The following CDK14 variants were observed in gnomAD, a reference collection of about 807,000 sequenced individuals.
CDK14 encodes cyclin-dependent kinase 14.
CDK14 carries 34 observed loss-of-function variants against 60.7 expected under a neutral mutation model. That is an observed-to-expected ratio of 0.56 (90% CI 0.43 to 0.75). CDK14 has a LOEUF of 0.75. Among genes scored for constraint, CDK14 ranks in the 30% least tolerant of loss-of-function variants. The probability of loss-of-function intolerance (pLI) is 0.00; values close to 1 mark genes in which losing one functional copy is unlikely to be tolerated. For synonymous variants in CDK14, 197 were observed against 203.7 expected, an observed-to-expected ratio of 0.97 and a Z score of 0.28; for missense variants, 482 against 564.1, an observed-to-expected ratio of 0.85 and a Z score of 1.47.
intron 2 of CDK14, among the ~76,000 whole-genome samples, chr7:90,674,852 C>G (rs1801165414): frequency 6.6e-6 from 1 of 152,202 alleles, no homozygotes; most frequent in Admixed American, 6.5e-5. Flanking sequence ...GCACTTTTCT[C>G]ACCTCTCCTT....
At chr7:90,757,366 CA>C (rs34353167) in intron 4 of CDK14, among the ~76,000 whole-genome samples, 10,982 of 149,828 alleles carry the variant, frequency 0.073, 516 homozygotes, top group South Asian at 0.11. Flanking sequence ...TGACTCATTT[CA>C]AAAAAAAATG....
chr7:90,660,822 G>A (rs193224550), intron 2 of CDK14, among the ~76,000 whole-genome samples: 150 of 152,242 alleles, frequency 9.9e-4, no homozygotes, highest in African/African-American at 3.5e-3. Flanking sequence ...CTTTCTCCTG[G>A]TTGGATTGGT....
intron 4 of CDK14, among the ~76,000 whole-genome samples, chr7:90,755,462 A>G (rs1369895038): frequency 6.6e-6 from 1 of 152,106 alleles, no homozygotes; most frequent in African/African-American, 2.4e-5. Flanking sequence ...GAGACTGCTG[A>G]GTGGGGTTGC....
intron 5 of CDK14, among the ~76,000 whole-genome samples, chr7:90,803,822 G>A (rs1344773246): frequency 6.6e-6 from 1 of 152,130 alleles, no homozygotes; most frequent in African/African-American, 2.4e-5. Flanking sequence ...AATTCCTTGA[G>A]GGAGGTTGAT....
intron 4 of CDK14, among the ~76,000 whole-genome samples, chr7:90,768,829 T>C (rs1804671100): frequency 6.6e-6 from 1 of 152,192 alleles, no homozygotes; most frequent in Non-Finnish European, 1.5e-5. Flanking sequence ...AATTTGTGTA[T>C]TTGAAAACAA....
At chr7:90,789,636 GCAAACA>G (rs1375060742) in intron 4 of CDK14, among the ~76,000 whole-genome samples, 1 of 152,130 alleles carries the variant, frequency 6.6e-6, no homozygotes, top group Non-Finnish European at 1.5e-5. Flanking sequence ...CAGGTTTTAT[GCAAACA>G]CTACAGCATT....
chr7:90,904,806 C>A (rs775491073), intron 7 of CDK14, among the ~76,000 whole-genome samples: 4 of 151,782 alleles, frequency 2.6e-5, no homozygotes, highest in Non-Finnish European at 4.4e-5. Flanking sequence ...AAAGAAAAAT[C>A]GATAAAAAAG....
intron 3 of CDK14, among the ~76,000 whole-genome samples, chr7:90,729,019 A>G (rs1802745128): frequency 6.6e-6 from 1 of 151,016 alleles, no homozygotes; most frequent in Non-Finnish European, 1.5e-5. Flanking sequence ...TCAGTTCTCT[A>G]TGCCAACTTT....
At chr7:91,148,809 G>A (rs1461494435) in intron 14 of CDK14, among the ~76,000 whole-genome samples, 1 of 152,098 alleles carries the variant, frequency 6.6e-6, no homozygotes, top group Non-Finnish European at 1.5e-5. Flanking sequence ...GCCAACAAAT[G>A]TTTGTTCAGT....
At chr7:90,838,203 T>C (rs1790176715) in intron 5 of CDK14, among the ~76,000 whole-genome samples, 2 of 152,198 alleles carry the variant, frequency 1.3e-5, no homozygotes, top group African/African-American at 4.8e-5. Context: ...CTGCAATCTC[T>C]GAACATAAAT....
At chr7:91,180,468 A>G (rs540071941) in intron 14 of CDK14, among the ~76,000 whole-genome samples, 3 of 150,690 alleles carry the variant, frequency 2.0e-5, no homozygotes, top group Admixed American at 1.3e-4. Flanking sequence ...TAACGCAAGT[A>G]TACACATACA....
intron 14 of CDK14, among the ~76,000 whole-genome samples, chr7:91,155,753 T>C (rs563192678): frequency 6.6e-5 from 10 of 152,298 alleles, no homozygotes; most frequent in African/African-American, 2.4e-4. Context: ...GTCATTGAAG[T>C]ATAGTAGAAT....
At chr7:90,692,642 C>A in intron 2 of CDK14, 1 of 970,288 alleles carries the variant, frequency 1.0e-6, no homozygotes, top group Non-Finnish European at 1.2e-6. Flanking sequence ...ACTATGCTGG[C>A]GGGCCATGAT....
intron 7 of CDK14, among the ~76,000 whole-genome samples, chr7:90,911,728 C>T (rs1179058508): frequency 6.6e-6 from 1 of 152,118 alleles, no homozygotes; most frequent in Non-Finnish European, 1.5e-5. Flanking sequence ...TTCTTTCTTA[C>T]TGCAAGTGTC....
chr7:90,663,095 AAC>A (rs111918409), intron 2 of CDK14, among the ~76,000 whole-genome samples: 10,776 of 131,708 alleles, frequency 0.082, 784 homozygotes, highest in East Asian at 0.21. Context: ...CTAAGATGGG[AAC>A]ACACACACAC....
intron 14 of CDK14, among the ~76,000 whole-genome samples, chr7:91,131,099 T>A (rs920343577): frequency 6.6e-6 from 1 of 152,032 alleles, no homozygotes; most frequent in African/African-American, 2.4e-5. Context: ...TTTATTTTTT[T>A]TTTGTTTTTG....
chr7:90,609,267 C>G (rs1584738889), intron 2 of CDK14, among the ~76,000 whole-genome samples: 1 of 152,130 alleles, frequency 6.6e-6, no homozygotes, highest in Non-Finnish European at 1.5e-5. Context: ...TCAGGTGATC[C>G]TCCCATCTCA....
At position 91,186,777 on chromosome 7, in the gene CDK14, G is replaced by T. The variant is rs1802205301; in HGVS notation, c.*29-20388G>T. On this transcript the variant is annotated intron_variant, in intron 14 of 14. Coordinates refer to ENST00000380050, the MANE Select transcript of CDK14 (RefSeq NM_001287135.2). Reference sequence around the variant, plus strand: ...GTTTCATTTTTTCTTTAAATTCTGAGACAAGGAAAAAGCCTGAACTTAACA... The same window carrying T: ...GTTTCATTTTTTCTTTAAATTCTGATACAAGGAAAAAGCCTGAACTTAACA... Among the ~76,000 whole-genome samples, 2 of 152,006 alleles carry T rather than the reference G, an allele frequency of 1.3e-5. 1 individual carries two copies. The highest frequency in any genetic ancestry group is 4.2e-4 in the South Asian group (2 of 4,814).
intron 4 of CDK14, among the ~76,000 whole-genome samples, chr7:90,774,420 A>G (rs1248953172): frequency 2.6e-5 from 4 of 152,206 alleles, no homozygotes; most frequent in Non-Finnish European, 5.9e-5. Context: ...CCTTATTTTT[A>G]GAACAGACCT....
Sources: gnomAD v4.1 joint callset for allele counts (sites outside exome capture counted in the v4.1 genomes callset) on GRCh38, gnomAD v4.1.1 for gene constraint, MANE v1.5 for transcripts, NCBI Gene and HGNC (gene_info 2026-07-23, HGNC 2026-07-21) for gene names.